Variants in HUNK observed in about 807,000 individuals in gnomAD.
HUNK encodes hormonally up-regulated neu tumor-associated kinase.
A neutral mutation model predicts 61.0 loss-of-function variants in HUNK; 21 were observed. The observed-to-expected ratio is 0.34, with a 90% confidence interval of 0.24 to 0.50. HUNK has a LOEUF of 0.50. Ranked by LOEUF, HUNK falls within the 20% of genes least tolerant of loss-of-function variation. HUNK has a pLI of 0.98. For synonymous variants in HUNK, 371 were observed against 386.1 expected (o/e 0.96, Z 0.46); for missense variants, 772 against 945.7 (o/e 0.82, Z 2.41).
chr21:31,995,791 A>G lies in HUNK; in HGVS notation c.1329A>G (p.Glu443=), dbSNP rs1374321614. 5.0e-6 allele frequency: 8 copies of G among 1,614,120 alleles called. No homozygotes were observed. Among genetic ancestry groups the G allele is most frequent in the Non-Finnish European group, 6.8e-6 (8 of 1,179,988 alleles). Residue 443 remains glutamate, a synonymous_variant, in exon 10 of 11, where the codon GAA becomes GAG. Coordinates refer to ENST00000270112, the MANE Select transcript of HUNK (RefSeq NM_014586.2). ...AVQDKKPKEQ[E]KRGDFLHRPF... is the part of the protein sequence containing the mutation. ...AGGATAAAAAGCCCAAAGAACAAGA[A>G]AAAAGAGGGGATTTTCTTCATCGAC...
Position 31,998,090 on chromosome 21 carries a change from T to A in HUNK, c.1487-436T>A, listed in dbSNP as rs548656097. The stretch of plus-strand genomic sequence containing the variant: ...ATGCCACCACACCCTGCTAATTTTT[T>A]AAAATTTTTTTAGAGACGGGGTCTT... On this transcript the variant is annotated intron_variant, in intron 10 of 10. Transcript: ENST00000270112. 1.1e-4 allele frequency among the ~76,000 whole-genome samples: 17 copies of A among 152,246 alleles called. No individual in the cohort carries two copies. The South Asian group carries it at 1.5e-3, about 13-fold the overall frequency.
intron 7 of HUNK, among the ~76,000 whole-genome samples, chr21:31,976,722 C>T (rs2053052485): frequency 6.6e-6 from 1 of 151,338 alleles, no homozygotes; most frequent in African/African-American, 2.4e-5. Flanking sequence ...CTACCTCAGC[C>T]TCCCAAAGTG....
At chr21:31,968,422 A>G (rs1281303083) in intron 6 of HUNK, 37 bp downstream of exon 6, 1 of 1,612,622 alleles carries the variant, frequency 6.2e-7, no homozygotes, top group African/African-American at 1.3e-5. Flanking sequence ...CTCGGGAGAG[A>G]CGGGGCCTGT....
intron 7 of HUNK, among the ~76,000 whole-genome samples, chr21:31,977,206 A>G (rs2053056490): frequency 6.6e-6 from 1 of 152,208 alleles, no homozygotes; most frequent in Non-Finnish European, 1.5e-5. Flanking sequence ...AAATATGCAT[A>G]TGTTGCAGGT....
At chr21:31,916,418 T>G (rs2052583559) in intron 1 of HUNK, among the ~76,000 whole-genome samples, 1 of 152,084 alleles carries the variant, frequency 6.6e-6, no homozygotes, top group South Asian at 2.1e-4. Context: ...CATTACCGGG[T>G]GCATTACTGG....
intron 1 of HUNK, among the ~76,000 whole-genome samples, chr21:31,875,345 T>A (rs1286836559): frequency 6.6e-6 from 1 of 152,128 alleles, no homozygotes; most frequent in East Asian, 1.9e-4. Context: ...CCGTCACCCT[T>A]GTCATTTTCC....
intron 2 of HUNK, among the ~76,000 whole-genome samples, chr21:31,933,888 C>T (rs1427814239): frequency 6.6e-6 from 1 of 152,178 alleles, no homozygotes; most frequent in African/African-American, 2.4e-5. Context: ...TTCCCTCTCC[C>T]CTCCATGAAA....
At chr21:31,976,431 T>C (rs1370074733) in intron 7 of HUNK, among the ~76,000 whole-genome samples, 1 of 150,838 alleles carries the variant, frequency 6.6e-6, no homozygotes, top group African/African-American at 2.5e-5. Flanking sequence ...TTCTCTCTCA[T>C]TTCTCTTGTT....
chr21:31,954,028 T>C (rs1906365577), intron 4 of HUNK, among the ~76,000 whole-genome samples: 2 of 152,100 alleles, frequency 1.3e-5, no homozygotes, highest in African/African-American at 2.4e-5. Flanking sequence ...CTTGAGGAGA[T>C]TTTTGGCGTC....
At chr21:31,886,621 G>A (rs960389420) in intron 1 of HUNK, among the ~76,000 whole-genome samples, 3 of 151,850 alleles carry the variant, frequency 2.0e-5, no homozygotes, top group Admixed American at 6.6e-5. Flanking sequence ...TCTATTCCCC[G>A]TGCCAAGAAT....
intron 1 of HUNK, among the ~76,000 whole-genome samples, chr21:31,913,379 G>A (rs943993358): frequency 1.3e-5 from 2 of 152,048 alleles, no homozygotes; most frequent in Non-Finnish European, 2.9e-5. Flanking sequence ...CTCTGCCCGA[G>A]GGATGATGGT....
intron 2 of HUNK, among the ~76,000 whole-genome samples, chr21:31,925,949 T>C (rs1328042923): frequency 6.6e-6 from 1 of 151,112 alleles, no homozygotes; most frequent in Non-Finnish European, 1.5e-5. Context: ...TGAGACTGAG[T>C]CTCGCTTTGT....
At position 31,999,180 on chromosome 21, in the gene HUNK, G is replaced by T; in HGVS notation, c.2141G>T (p.Cys714Phe). ...ATGGCCGATGGGGTCAAGACCCAGT[G>T]CTAACTTGGGCCAGCGGGGTTTGGG... ...FDMADGVKTQ[C>F] is the part of the protein sequence containing the mutation. Residue 714 changes from cysteine to phenylalanine, a missense_variant, in exon 11 of 11, where the codon TGC (cysteine) becomes TTC (phenylalanine). Cys to Phe is a radical substitution (Grantham distance 205, BLOSUM62 -2). Around this residue, in one of 2 missense-constraint regions of HUNK, gnomAD observed 413 missense variants for 444.4 expected, o/e 0.93. Coordinates refer to ENST00000270112, the MANE Select transcript of HUNK (RefSeq NM_014586.2). The T allele has an allele frequency of 6.3e-7, 1 of 1,595,184 alleles. No individual in the cohort carries two copies. Among genetic ancestry groups the T allele is most frequent in the Non-Finnish European group, 8.5e-7 (1 of 1,171,236 alleles).
chr21:31,932,898 C>T (rs917668695), intron 2 of HUNK, among the ~76,000 whole-genome samples: 9 of 150,094 alleles, frequency 6.0e-5, no homozygotes, highest in Non-Finnish European at 1.3e-4. Flanking sequence ...CATCCTCCTG[C>T]GCTGCCTTCT....
intron 1 of HUNK, among the ~76,000 whole-genome samples, chr21:31,909,989 C>T (rs1008280420): frequency 6.6e-5 from 10 of 152,182 alleles, no homozygotes; most frequent in Non-Finnish European, 1.5e-4. Context: ...TCCTTCATTG[C>T]TCTGGGGGCT....
rs546955988 is a variant in HUNK at position 31,933,933 on chromosome 21, T to C, written c.555-6232T>C. ...CAGATCAAGGACCATTCACGTGAAG[T>C]GGGCATTCTACTTCCCTCACCGCAT... On this transcript the variant is annotated intron_variant, in intron 2 of 10. Transcript: ENST00000270112. Among the ~76,000 whole-genome samples, 310 of 152,086 alleles carry C rather than the reference T, an allele frequency of 2.0e-3. 1 individual carries two copies. The highest frequency in any genetic ancestry group is 0.014 in the South Asian group (66 of 4,802).
chr21:31,877,831 G>A (rs1044069612), intron 1 of HUNK, among the ~76,000 whole-genome samples: 16 of 152,122 alleles, frequency 1.1e-4, no homozygotes, highest in Admixed American at 2.6e-4. Context: ...TATGAGAGGC[G>A]TGGTCTCTGG....
intron 6 of HUNK, 118 bp downstream of exon 6, chr21:31,968,503 C>A: frequency 8.5e-7 from 1 of 1,176,652 alleles, no homozygotes; most frequent in Non-Finnish European, 1.2e-6. Context: ...TCTCTCTTGG[C>A]TATCTCCCCT....
intron 1 of HUNK, among the ~76,000 whole-genome samples, chr21:31,883,342 G>T (rs2052322983): frequency 6.6e-6 from 1 of 151,860 alleles, no homozygotes; most frequent in Non-Finnish European, 1.5e-5. Flanking sequence ...TATTAAACAT[G>T]GTATCTTGTC....
Sources: allele counts gnomAD v4.1 joint callset (sites outside exome capture counted in the v4.1 genomes callset), GRCh38; gene constraint gnomAD v4.1.1; regional missense constraint gnomAD v4.1.1; transcripts MANE v1.5; gene names NCBI Gene and HGNC (gene_info 2026-07-23, HGNC 2026-07-21).